The following TDRD1 variants were observed in gnomAD, a reference collection of about 807,000 sequenced individuals.
The protein encoded by TDRD1 is tudor domain-containing protein 1.
In TDRD1, 37 loss-of-function variants were observed where a neutral mutation model predicts 140.6. The observed-to-expected ratio is 0.26, with a 90% CI of 0.20 to 0.35. The LOEUF (loss-of-function observed/expected upper bound fraction) is 0.35, where lower values mean the gene tolerates loss of function less well. Among genes scored for constraint, TDRD1 ranks in the 10% least tolerant of loss-of-function variants. The pLI, the probability that TDRD1 is intolerant of heterozygous loss-of-function variation, is 1.00. For synonymous variants in TDRD1, 506 were observed against 475.7 expected, an observed-to-expected ratio of 1.06 and a Z score of -0.83; for missense variants, 1,243 against 1,393.0, an observed-to-expected ratio of 0.89 and a Z score of 1.71.
At chr10:114,210,020 G>T (rs17777178) in intron 11 of TDRD1, among the ~76,000 whole-genome samples, 24,716 of 152,142 alleles carry the variant, frequency 0.16, 2,176 homozygotes, top group Middle Eastern at 0.21. Flanking sequence ...TCTCTTCTGA[G>T]ATACTTTTCA....
intron 21 of TDRD1, 60 bp downstream of exon 21, chr10:114,222,763 G>A: frequency 1.0e-6 from 1 of 961,390 alleles, no homozygotes; most frequent in Non-Finnish European, 1.6e-6. Context: ...TGTTCTACAT[G>A]ATACTATGTA....
intron 6 of TDRD1, 24 bp from the exon 7 acceptor site, chr10:114,203,048 C>T (rs764820867): frequency 6.6e-6 from 10 of 1,522,552 alleles, no homozygotes; most frequent in Non-Finnish European, 8.2e-6. Context: ...AAGTAACTCA[C>T]TTCTGTGGTA....
At chr10:114,232,662 C>G (rs1478443948), downstream of TDRD1, among the ~76,000 whole-genome samples, 1 of 152,142 alleles carries the variant, frequency 6.6e-6, no homozygotes, top group Non-Finnish European at 1.5e-5. Context: ...TATTTCACTT[C>G]CCAACCAGCT....
At chr10:114,186,739 C>T (rs2033563547) in intron 1 of TDRD1, among the ~76,000 whole-genome samples, 1 of 152,168 alleles carries the variant, frequency 6.6e-6, no homozygotes. Context: ...GGGGTCTTCT[C>T]AGGGTCTGGT....
chr10:114,216,081 G>GAT (rs2035796631), intron 16 of TDRD1, among the ~76,000 whole-genome samples: 1 of 152,186 alleles, frequency 6.6e-6, no homozygotes, highest in African/African-American at 2.4e-5. Context: ...AAGTCACAAA[G>GAT]ATGGTACATA....
chr10:114,178,572 C>A (rs2032778668), upstream of TDRD1, among the ~76,000 whole-genome samples: 1 of 152,192 alleles, frequency 6.6e-6, no homozygotes, highest in Non-Finnish European at 1.5e-5. Context: ...TCTCCGCAGT[C>A]TTCAAGGCAT....
intron 21 of TDRD1, among the ~76,000 whole-genome samples, chr10:114,223,229 G>T (rs1048506310): frequency 3.9e-5 from 6 of 152,232 alleles, no homozygotes; most frequent in Admixed American, 3.9e-4. Context: ...ATGGTCCACA[G>T]TCAGGTCCAA....
chr10:114,192,292 C>CTTTTTTT (rs938140798), intron 3 of TDRD1, among the ~76,000 whole-genome samples: 1,208 of 75,080 alleles, frequency 0.016, 116 homozygotes, highest in Middle Eastern at 0.025. Flanking sequence ...GATAGTTTTC[C>CTTTTTTT]TTTTTTTTTT....
At chr10:114,217,411 TG>T (rs1379099679) in intron 16 of TDRD1, 133 bp from the exon 17 acceptor site, 2 of 502,306 alleles carry the variant, frequency 4.0e-6, no homozygotes, top group African/African-American at 4.0e-5. Flanking sequence ...GGAAAAGCAT[TG>T]GGTAGACTTA....
At chr10:114,226,523 CTG>C (rs1176828688) in intron 22 of TDRD1, among the ~76,000 whole-genome samples, 1 of 152,180 alleles carries the variant, frequency 6.6e-6, no homozygotes, top group Non-Finnish European at 1.5e-5. Flanking sequence ...TGTCTGGTGT[CTG>C]TGAACCAGGG....
At chr10:114,215,911 A>T (rs1323285389) in intron 16 of TDRD1, among the ~76,000 whole-genome samples, 1 of 152,192 alleles carries the variant, frequency 6.6e-6, no homozygotes, top group Admixed American at 6.5e-5. Context: ...TGCTTGTATG[A>T]GTATATATAA....
intron 8 of TDRD1, 87 bp downstream of exon 8, chr10:114,203,654 A>G (rs2034910785): frequency 8.1e-7 from 1 of 1,229,262 alleles, no homozygotes; most frequent in East Asian, 2.4e-5. Flanking sequence ...ATGATGCATG[A>G]CAAGGCTTAA....
At chr10:114,201,598 A>G in intron 5 of TDRD1, 83 bp downstream of exon 5, 2 of 1,106,536 alleles carry the variant, frequency 1.8e-6, no homozygotes, top group Non-Finnish European at 2.6e-6. Context: ...TAAGCAGACC[A>G]CAACCAAGTA....
At chr10:114,206,274 T>C (rs150751674) in exon 11 of TDRD1, 1 of 1,613,600 alleles carries the variant, frequency 6.2e-7, no homozygotes, top group East Asian at 2.2e-5. Context: ...CTTATAGAAA[T>C]GGGATATGGC....
chr10:114,216,061 G>T (rs1277726798), intron 16 of TDRD1, among the ~76,000 whole-genome samples: 1 of 151,594 alleles, frequency 6.6e-6, no homozygotes, highest in African/African-American at 2.4e-5. Flanking sequence ...AATAATTTTA[G>T]GTATACAGAA....
At chr10:114,202,198 C>T (rs774020062) in intron 5 of TDRD1, 40 bp from the exon 6 acceptor site, 1 of 1,521,834 alleles carries the variant, frequency 6.6e-7, no homozygotes, top group Non-Finnish European at 9.0e-7. Context: ...TGTTAATTGC[C>T]TCTGTAGTAT....
chr10:114,202,965 G>T, intron 6 of TDRD1, 107 bp from the exon 7 acceptor site: 1 of 747,424 alleles, frequency 1.3e-6, no homozygotes, highest in Non-Finnish European at 2.3e-6. Context: ...TTTTGTTCAA[G>T]CCTAAGAGTT....
intron 6 of TDRD1, 140 bp downstream of exon 6, chr10:114,202,438 T>C: frequency 1.8e-6 from 1 of 546,684 alleles, no homozygotes; most frequent in Non-Finnish European, 3.1e-6. Context: ...TACACCATAG[T>C]GATACAATCA....
At chr10:114,204,620 G>A in intron 9 of TDRD1, 102 bp from the exon 10 acceptor site, 1 of 1,199,860 alleles carries the variant, frequency 8.3e-7, no homozygotes, top group South Asian at 1.6e-5. Flanking sequence ...GAAGATTTGT[G>A]ATAAGTTTTC....
Sources: gnomAD v4.1 joint callset for allele counts (sites outside exome capture counted in the v4.1 genomes callset) on GRCh38, gnomAD v4.1.1 for gene constraint, MANE v1.5 for transcripts, NCBI Gene and HGNC (gene_info 2026-07-23, HGNC 2026-07-21) for gene names.